Variants in CRYL1 observed in about 807,000 individuals in gnomAD.
The protein encoded by CRYL1 is crystallin lambda 1.
In CRYL1, 29 loss-of-function variants were observed where a neutral mutation model predicts 36.6. The ratio of observed to expected loss-of-function variants is 0.79; its 90% CI spans 0.59 to 1.08. The LOEUF (loss-of-function observed/expected upper bound fraction) is 1.08. CRYL1 is among the 50% of genes least tolerant of loss of function. CRYL1 has a pLI of 0.00. For missense variants in CRYL1, 411 were observed against 407.9 expected, an observed-to-expected ratio of 1.01 and a Z score of -0.06; for synonymous variants, 152 against 151.5, an observed-to-expected ratio of 1.00 and a Z score of -0.02.
intron 3 of CRYL1, among the ~76,000 whole-genome samples, chr13:20,470,277 C>T (rs990956954): frequency 2.6e-5 from 4 of 152,196 alleles, no homozygotes; most frequent in African/African-American, 9.6e-5. Flanking sequence ...CAAGCACAGC[C>T]TCAAGCACTG....
chr13:20,424,241 T>C lies in CRYL1; in HGVS notation c.633+7861A>G, dbSNP rs76066480. ...TCTCAATTAACCAGGAGGCTGGTCC[T>C]AGCAACGTGGGTGATGTATCCGCTC... On this transcript the variant is annotated intron_variant, in intron 5 of 7. Transcript: ENST00000298248. Among the ~76,000 whole-genome samples, 85 of 152,282 alleles carry C rather than the reference T, an allele frequency of 5.6e-4. 2 individuals are homozygous for C. In the East Asian group the frequency reaches 0.016, roughly 29 times the overall value.
intron 4 of CRYL1, among the ~76,000 whole-genome samples, chr13:20,436,679 T>A (rs1229064635): frequency 6.6e-6 from 1 of 152,134 alleles, no homozygotes; most frequent in Non-Finnish European, 1.5e-5. Flanking sequence ...CCAGCGCCTT[T>A]CCCCACTCAC....
intron 3 of CRYL1, among the ~76,000 whole-genome samples, chr13:20,444,083 G>A (rs2032404372): frequency 6.6e-6 from 1 of 152,132 alleles, no homozygotes; most frequent in Non-Finnish European, 1.5e-5. Flanking sequence ...ATAGACTGCT[G>A]TGACAACACT....
At chr13:20,453,602 G>GA (rs1315360769) in intron 3 of CRYL1, among the ~76,000 whole-genome samples, 1 of 151,348 alleles carries the variant, frequency 6.6e-6, no homozygotes, top group African/African-American at 2.4e-5. Context: ...TTCAGAAACT[G>GA]AAAAAAAGCA....
At chr13:20,514,130 C>T (rs1270186383) in intron 1 of CRYL1, among the ~76,000 whole-genome samples, 1 of 152,196 alleles carries the variant, frequency 6.6e-6, no homozygotes, top group African/African-American at 2.4e-5. Context: ...AGTTACTCCC[C>T]CTTAGGCAGG....
At chr13:20,413,242 T>C (rs1289520359) in intron 6 of CRYL1, 40 bp downstream of exon 6, 1 of 1,388,988 alleles carries the variant, frequency 7.2e-7, no homozygotes, top group Non-Finnish European at 1.0e-6. Context: ...ATGACAACAC[T>C]AAATAGAATG....
intron 3 of CRYL1, among the ~76,000 whole-genome samples, chr13:20,477,986 T>C (rs1225217975): frequency 6.8e-6 from 1 of 146,848 alleles, no homozygotes; most frequent in Admixed American, 6.9e-5. Context: ...TATATATATA[T>C]GTATATAAAA....
intron 2 of CRYL1, among the ~76,000 whole-genome samples, chr13:20,508,172 T>G (rs2033838119): frequency 6.6e-6 from 1 of 151,998 alleles, no homozygotes; most frequent in Non-Finnish European, 1.5e-5. Context: ...GAGGCTGCAG[T>G]GAGCCAAGAT....
intron 5 of CRYL1, chr13:20,430,636 C>CA (rs2032038359): frequency 1.0e-6 from 1 of 985,214 alleles, no homozygotes; most frequent in Middle Eastern, 5.2e-4. Flanking sequence ...GTACACCTCC[C>CA]ACCCGATCCC....
intron 2 of CRYL1, among the ~76,000 whole-genome samples, chr13:20,506,591 TGCCTGAAAGGACTTTAAAAATC>T (rs745672433): frequency 5.7e-4 from 86 of 151,916 alleles, no homozygotes; most frequent in Non-Finnish European, 1.0e-3. Context: ...TCAGTCCTGA[TGCCTGAAAGGACTTTAAAAATC>T]TTTAATGATG....
At chr13:20,508,305 T>G (rs1404264412) in intron 2 of CRYL1, among the ~76,000 whole-genome samples, 1 of 152,148 alleles carries the variant, frequency 6.6e-6, no homozygotes, top group East Asian at 1.9e-4. Context: ...GGAGAAGCAT[T>G]TTTTAGCAGC....
chr13:20,496,975 G>A (rs1228525529), intron 2 of CRYL1, among the ~76,000 whole-genome samples: 1 of 152,090 alleles, frequency 6.6e-6, no homozygotes, highest in Non-Finnish European at 1.5e-5. Flanking sequence ...GAATGAGGTG[G>A]AGAAAGCTAA....
intron 2 of CRYL1, among the ~76,000 whole-genome samples, chr13:20,492,044 T>C (rs144210823): frequency 1.6e-3 from 251 of 152,282 alleles, no homozygotes; most frequent in African/African-American, 5.7e-3. Flanking sequence ...AAGGTTCCTC[T>C]ATTAAGGTAA....
In CRYL1 at chr13:20,435,755, C is replaced by G. The variant is rs1260619777; in HGVS notation, c.439-3459G>C. 3.3e-5 allele frequency among the ~76,000 whole-genome samples: 5 copies of G among 152,188 alleles called. No individual in the cohort carries two copies. The highest frequency in any genetic ancestry group is 1.2e-4 in the African/African-American group (5 of 41,462). ...AAGGGACGCATTCTTCCCCGCCGCC[C>G]GGGCCCCATGTGACCGCGCCGACAG... On this transcript the variant is annotated intron_variant, in intron 4 of 7. Coordinates refer to ENST00000298248, the MANE Select transcript of CRYL1 (RefSeq NM_015974.3). The surrounding 1 kb of genome is among the most constrained non-coding windows in gnomAD (Gnocchi z 4.0).
rs1313724923 is a variant in CRYL1 at position 20,481,059 on chromosome 13, C to A, written c.276+8311G>T. Among the ~76,000 whole-genome samples, 2 of 152,178 alleles carry A rather than the reference C, an allele frequency of 1.3e-5. No homozygotes were observed. The highest frequency in any genetic ancestry group is 4.8e-5 in the African/African-American group (2 of 41,452). ...CCTCGTGCCCAGTTCTGTAAGCACA[C>A]TATTTGAATAAAGCAAGAGCAAGCC... On this transcript the variant is annotated intron_variant, in intron 3 of 7. Coordinates refer to ENST00000298248, the MANE Select transcript of CRYL1 (RefSeq NM_015974.3). The surrounding 1 kb of genome is among the most constrained non-coding windows in gnomAD (Gnocchi z 4.1).
rs1191038726 is a variant in CRYL1, at chr13:20,481,858, T to C, written c.276+7512A>G. Among the ~76,000 whole-genome samples, 1 of 151,894 alleles carries C rather than the reference T, an allele frequency of 6.6e-6. No individual in the cohort carries two copies. The highest frequency in any genetic ancestry group is 1.5e-5 in the Non-Finnish European group (1 of 67,976). The stretch of plus-strand genomic sequence containing the variant: ...CCCGGGAAGCAGAGGTTGCAGTGAA[T>C]CAAGATCGCACCACTGCACTCCAGC... On this transcript the variant is annotated intron_variant, in intron 3 of 7. Coordinates refer to ENST00000298248, the MANE Select transcript of CRYL1 (RefSeq NM_015974.3). This position sits in a 1 kb window ranked among gnomAD's most constrained non-coding sequence, Gnocchi z 4.1.
intron 6 of CRYL1, among the ~76,000 whole-genome samples, chr13:20,412,974 C>A (rs2031560868): frequency 6.6e-6 from 1 of 152,212 alleles, no homozygotes. Context: ...GAAACTACCA[C>A]TTTCCCTTCT....
chr13:20,467,542 C>G (rs942873893), intron 3 of CRYL1, among the ~76,000 whole-genome samples: 4 of 152,100 alleles, frequency 2.6e-5, no homozygotes, highest in African/African-American at 9.7e-5. Context: ...AATATCTGGG[C>G]CTTGCGTGGT....
At chr13:20,456,290 A>G (rs2032680188) in intron 3 of CRYL1, among the ~76,000 whole-genome samples, 1 of 151,978 alleles carries the variant, frequency 6.6e-6, no homozygotes, top group Non-Finnish European at 1.5e-5. Context: ...CCTGGGCAAC[A>G]TGACAAAACC....
Sources: allele counts gnomAD v4.1 joint callset (sites outside exome capture counted in the v4.1 genomes callset), GRCh38; gene constraint gnomAD v4.1.1; non-coding constraint Gnocchi (gnomAD v3.1); transcripts MANE v1.5; gene names NCBI Gene and HGNC (gene_info 2026-07-23, HGNC 2026-07-21).